The following PRDM5 variants were observed in gnomAD, a reference collection of about 807,000 sequenced individuals.
PRDM5 encodes the protein PR/SET domain 5, also known as PR domain zinc finger protein 5.
Under a neutral mutation model 81.2 loss-of-function variants are expected in PRDM5, and 56 were observed. The ratio of observed to expected loss-of-function variants is 0.69; its 90% CI spans 0.56 to 0.86. PRDM5 has a LOEUF of 0.86. PRDM5 is among the 40% of genes least tolerant of loss of function. PRDM5 has a pLI of 0.00. For synonymous variants in PRDM5, 267 were observed against 256.4 expected (o/e 1.04, Z -0.39); for missense variants, 697 against 770.1 (o/e 0.91, Z 1.12).
chr4:120,794,620 A>G (rs1189482401), intron 10 of PRDM5, among the ~76,000 whole-genome samples: 2 of 149,798 alleles, frequency 1.3e-5, no homozygotes, highest in East Asian at 2.0e-4. Context: ...TATATTTTAT[A>G]TTCTACTTTT....
chr4:120,908,314 CCAGA>C (rs1230045396), intron 1 of PRDM5, among the ~76,000 whole-genome samples: 4 of 152,230 alleles, frequency 2.6e-5, no homozygotes, highest in Admixed American at 6.5e-5. Context: ...ATTTGTCCAA[CCAGA>C]CATTTTGTTG....
chr4:120,883,768 CTT>C (rs1283019165), intron 2 of PRDM5, among the ~76,000 whole-genome samples: 1 of 152,016 alleles, frequency 6.6e-6, no homozygotes, highest in East Asian at 1.9e-4. Context: ...AATATAAGGA[CTT>C]AATGTGTTTA....
chr4:120,782,982 A>T (rs79346855), intron 11 of PRDM5, among the ~76,000 whole-genome samples: 2,746 of 151,958 alleles, frequency 0.018, 33 homozygotes, highest in Middle Eastern at 0.031. Flanking sequence ...AATTTATCAG[A>T]TTTTTTCCCT....
chr4:120,883,685 A>G (rs760486935), intron 2 of PRDM5, among the ~76,000 whole-genome samples: 1 of 152,132 alleles, frequency 6.6e-6, no homozygotes, highest in Non-Finnish European at 1.5e-5. Context: ...TACATGTGTA[A>G]TAAGTCTGCA....
At chr4:120,858,610 T>A (rs1271990750) in intron 2 of PRDM5, among the ~76,000 whole-genome samples, 1 of 151,580 alleles carries the variant, frequency 6.6e-6, no homozygotes, top group Non-Finnish European at 1.5e-5. Flanking sequence ...CACACACCAT[T>A]GTAGCTTATC....
chr4:120,706,728 A>C (rs1349559311), intron 15 of PRDM5, among the ~76,000 whole-genome samples: 1 of 138,952 alleles, frequency 7.2e-6, no homozygotes. Flanking sequence ...TATATATATA[A>C]ATTATATATA....
chr4:120,863,156 T>TAA (rs66499146), intron 2 of PRDM5, among the ~76,000 whole-genome samples: 2,123 of 39,956 alleles, frequency 0.053, 172 homozygotes, highest in Non-Finnish European at 0.07. Context: ...AGACTCTGTC[T>TAA]AAAAAAAAAA....
In PRDM5 at chr4:120,725,209, GT is replaced by G. The variant is rs569396843; in HGVS notation, c.1624-14797del. Among the ~76,000 whole-genome samples, 1,050 of 142,126 alleles carry G rather than the reference GT, an allele frequency of 7.4e-3. 7 individuals are homozygous for G. The highest frequency in any genetic ancestry group is 0.043 in the Middle Eastern group (12 of 278). 93.2% of individuals were successfully genotyped at this position (142,126 alleles called of 152,430 possible). The stretch of plus-strand genomic sequence containing the variant: ...TAAAATTCCAAAGGTAACTGCAGAA[GT>G]TTTTTTTTTTTACTTAGAAAATTAG... On this transcript the variant is annotated intron_variant, in intron 14 of 15. Transcript: ENST00000264808.
intron 15 of PRDM5, among the ~76,000 whole-genome samples, chr4:120,707,588 A>T (rs1453431935): frequency 1.3e-5 from 2 of 152,076 alleles, no homozygotes; most frequent in African/African-American, 4.8e-5. Flanking sequence ...AAAAAAAAAC[A>T]ACAGAAGGAC....
intron 13 of PRDM5, among the ~76,000 whole-genome samples, chr4:120,768,115 T>C (rs1746656612): frequency 6.6e-6 from 1 of 152,260 alleles, no homozygotes; most frequent in Admixed American, 6.5e-5. Context: ...AAAACATCAT[T>C]TGGCTCTAAA....
At chr4:120,751,378 A>T (rs1023658565) in intron 14 of PRDM5, among the ~76,000 whole-genome samples, 6 of 152,210 alleles carry the variant, frequency 3.9e-5, no homozygotes, top group South Asian at 2.1e-4. Context: ...AGATTTTTTT[A>T]AAAATGCAAA....
intron 2 of PRDM5, among the ~76,000 whole-genome samples, chr4:120,865,284 T>C (rs1245093599): frequency 2.0e-5 from 3 of 152,144 alleles, no homozygotes; most frequent in Non-Finnish European, 2.9e-5. Context: ...CTCAGGACAT[T>C]TAATAATCAC....
At chr4:120,885,134 CAAAAAAAA>C (rs60623556) in intron 2 of PRDM5, among the ~76,000 whole-genome samples, 6 of 50,714 alleles carry the variant, frequency 1.2e-4, no homozygotes, top group Admixed American at 2.3e-4. Context: ...GACTCCGTAT[CAAAAAAAA>C]AAAAAAAAAA....
At position 120,773,137 on chromosome 4, in the gene PRDM5, T is replaced by A. The variant is rs191380966; in HGVS notation, c.1537+4051A>T. Among the ~76,000 whole-genome samples the A allele has an allele frequency of 3.3e-5, 5 of 152,362 alleles. No homozygotes were observed. In the East Asian group the frequency reaches 9.6e-4, roughly 29 times the overall value. ...GTCTCAAGGAAAAGCACTTGTGTGA[T>A]TGAGTTGCAAGCTGACCTGGCAGTT... On this transcript the variant is annotated intron_variant, in intron 13 of 15. Transcript: ENST00000264808.
At chr4:120,727,798 C>G (rs565120911) in intron 14 of PRDM5, among the ~76,000 whole-genome samples, 2 of 152,024 alleles carry the variant, frequency 1.3e-5, no homozygotes, top group South Asian at 2.1e-4. Flanking sequence ...ATTAGCTGGA[C>G]AGTGGCTCAC....
intron 2 of PRDM5, among the ~76,000 whole-genome samples, chr4:120,877,950 C>T (rs1762482824): frequency 6.6e-6 from 1 of 152,092 alleles, no homozygotes; most frequent in South Asian, 2.1e-4. Flanking sequence ...TAATAAACAA[C>T]TAGTTTTGGA....
intron 3 of PRDM5, among the ~76,000 whole-genome samples, chr4:120,853,060 C>T (rs1230358742): frequency 1.3e-5 from 2 of 152,058 alleles, no homozygotes; most frequent in African/African-American, 4.8e-5. Flanking sequence ...AAGCCTTTCC[C>T]AAACACTAAC....
At position 120,852,104 on chromosome 4, in the gene PRDM5, C is replaced by T. The variant is rs148838740; in HGVS notation, c.300+1314G>A. Reference sequence around the variant, plus strand: ...CCTAACTATAGGGCTCCTCTAAAAACTATATCGTTTTCTCTTCTTGCCTTA... The same window carrying T: ...CCTAACTATAGGGCTCCTCTAAAAATTATATCGTTTTCTCTTCTTGCCTTA... On this transcript the variant is annotated intron_variant, in intron 3 of 15. Coordinates refer to ENST00000264808, the MANE Select transcript of PRDM5 (RefSeq NM_018699.4). Among the ~76,000 whole-genome samples, 33 of 152,218 alleles carry T rather than the reference C, an allele frequency of 2.2e-4. No homozygotes were observed. The East Asian group carries it at 4.5e-3, about 21-fold the overall frequency.
chr4:120,877,427 T>A lies in PRDM5; in HGVS notation c.178-23887A>T, dbSNP rs116590686. 9.3e-3 allele frequency among the ~76,000 whole-genome samples: 1,410 copies of A among 152,352 alleles called. 21 individuals carry two copies. Among genetic ancestry groups the A allele is most frequent in the African/African-American group, 0.032 (1,313 of 41,572 alleles). The stretch of plus-strand genomic sequence containing the variant: ...TGATAACCACATCATGTTCCTGGGA[T>A]AACTGTGCAATTTAACAATTCAGTT... On this transcript the variant is annotated intron_variant, in intron 2 of 15. Coordinates refer to ENST00000264808, the MANE Select transcript of PRDM5 (RefSeq NM_018699.4).
Sources: allele counts gnomAD v4.1 joint callset (sites outside exome capture counted in the v4.1 genomes callset), GRCh38; gene constraint gnomAD v4.1.1; transcripts MANE v1.5; gene names NCBI Gene and HGNC (gene_info 2026-07-23, HGNC 2026-07-21).